The following MRPS15 variants were observed in gnomAD, a reference collection of about 807,000 sequenced individuals.
MRPS15 encodes the protein small ribosomal subunit protein uS15m.
Under a neutral mutation model 30.7 loss-of-function variants are expected in MRPS15, and 25 were observed. That is an observed-to-expected ratio of 0.81 (90% confidence interval 0.59 to 1.14). The LOEUF is 1.14. MRPS15 is among the 50% of genes most tolerant of loss of function. The pLI, the probability that MRPS15 is intolerant of heterozygous loss-of-function variation, is 0.00. For synonymous variants in MRPS15, 124 were observed against 120.1 expected (o/e 1.03, Z -0.21); for missense variants, 313 against 321.7 (o/e 0.97, Z 0.21).
chr1:36,463,428 T>C (rs1163854595), intron 2 of MRPS15, among the ~76,000 whole-genome samples: 1 of 152,194 alleles, frequency 6.6e-6, no homozygotes, highest in Non-Finnish European at 1.5e-5. Context: ...CCTTGCCCCA[T>C]ATCATTTACC....
intron 6 of MRPS15, 43 bp from the exon 7 acceptor site, chr1:36,456,421 C>T (rs1649997065): frequency 6.8e-7 from 1 of 1,475,960 alleles, no homozygotes; most frequent in Non-Finnish European, 9.1e-7. Flanking sequence ...ATAAGTGTTA[C>T]TGTTGTTCAC....
Position 36,462,164 on chromosome 1 carries a change from C to G in MRPS15, c.176-1G>C. 1.9e-6 allele frequency: 3 copies of G among 1,610,282 alleles called. No homozygotes were observed. Among genetic ancestry groups the G allele is most frequent in the Non-Finnish European group, 2.5e-6 (3 of 1,177,290 alleles). On this transcript the variant is annotated splice_acceptor_variant, in intron 2 of 7. Coordinates refer to ENST00000373116, the MANE Select transcript of MRPS15 (RefSeq NM_031280.4). LOFTEE classifies it high-confidence loss of function. Reference sequence around the variant, plus strand: ...GGGTCATCATCCAGCCTAGACTGGGCTGTCAAGTAAATATGGGGATAGAAA... The same window carrying G: ...GGGTCATCATCCAGCCTAGACTGGGGTGTCAAGTAAATATGGGGATAGAAA...
At chr1:36,460,842 C>A in intron 4 of MRPS15, 66 bp from the exon 5 acceptor site, 2 of 1,325,412 alleles carry the variant, frequency 1.5e-6, no homozygotes, top group South Asian at 1.2e-5. Flanking sequence ...GCCCTCCTCC[C>A]CCCAAGGGCC....
chr1:36,463,508 C>T (rs1221725559), intron 2 of MRPS15, among the ~76,000 whole-genome samples: 2 of 152,168 alleles, frequency 1.3e-5, no homozygotes, highest in Non-Finnish European at 2.9e-5. Flanking sequence ...ATCTCAGAAG[C>T]GCAGACACAA....
chr1:36,457,636 C>G (rs1455119877), intron 6 of MRPS15, among the ~76,000 whole-genome samples: 2 of 152,152 alleles, frequency 1.3e-5, no homozygotes. Context: ...GTGGAAGTGG[C>G]AGAGCTCGGA....
intron 7 of MRPS15, 115 bp downstream of exon 7, chr1:36,456,072 T>G: frequency 1.3e-6 from 2 of 1,482,274 alleles, no homozygotes; most frequent in Non-Finnish European, 1.8e-6. Flanking sequence ...CTGGATCCAT[T>G]CCAGGGCCTG....
Position 36,456,357 on chromosome 1 carries a change from G to C in MRPS15, c.466C>G (p.Leu156Val), listed in dbSNP as rs767881150. 1.2e-6 allele frequency: 2 copies of C among 1,610,976 alleles called. No homozygotes were observed. Among genetic ancestry groups the C allele is most frequent in the Non-Finnish European group, 8.5e-7 (1 of 1,177,784 alleles). The change falls in exon 7 of 8, where the codon CTG (leucine) becomes GTG (valine). Residue 156 changes from leucine (L) to valine (V), a missense_variant. Transcript: ENST00000373116. ...TTCCTCTGGTCAATGCTCATTAGCAGATAGCGTTTGTGGGCTTTGTCCTGC... is the reference window on the plus strand; with the variant it reads ...TTCCTCTGGTCAATGCTCATTAGCACATAGCGTTTGTGGGCTTTGTCCTGC... ...HRKDKAHKRY[L>V]LMSIDQRKKM...
At position 36,458,271 on chromosome 1, in the gene MRPS15, C is replaced by T; in HGVS notation, c.386-290G>A. Reference sequence around the variant, plus strand: ...TGAGACGGAGTCTCGCTCTGTTGCCCAGGCTGGAGTGCAGTGGTGCGATCT... The same window carrying T: ...TGAGACGGAGTCTCGCTCTGTTGCCTAGGCTGGAGTGCAGTGGTGCGATCT... On this transcript the variant is annotated intron_variant, in intron 5 of 7. Coordinates refer to ENST00000373116, the MANE Select transcript of MRPS15 (RefSeq NM_031280.4). The surrounding 1 kb of genome is among the most constrained non-coding windows in gnomAD (Gnocchi z 4.5). 2 of 312,274 alleles carry T rather than the reference C, an allele frequency of 6.4e-6. No homozygotes were observed. Among genetic ancestry groups the T allele is most frequent in the South Asian group, 8.7e-5 (2 of 23,038 alleles). The allele number at this position is 312,274 out of a possible 1,614,324, so 19.3% of individuals were successfully genotyped here. A position where few individuals can be genotyped will look rare whatever the true frequency, so the allele number is the denominator to read the frequency against.
intron 3 of MRPS15, 23 bp downstream of exon 3, chr1:36,462,065 C>T: frequency 6.2e-7 from 1 of 1,606,174 alleles, no homozygotes; most frequent in Non-Finnish European, 8.5e-7. Context: ...CCTGCCTCCT[C>T]TACTAGGTTT....
At chr1:36,464,108 T>C (rs1454485007) in intron 1 of MRPS15, 38 bp downstream of exon 1, 1 of 1,604,894 alleles carries the variant, frequency 6.2e-7, no homozygotes, top group East Asian at 2.2e-5. Flanking sequence ...CCGAACCCTG[T>C]TTCCCTACGC....
chr1:36,459,299 T>A (rs989420804), intron 5 of MRPS15: 2 of 146,612 alleles, frequency 1.4e-5, no homozygotes, highest in Non-Finnish European at 3.0e-5. Context: ...GAGCCTGAGG[T>A]AGGAGAATTG....
intron 1 of MRPS15, 127 bp from the exon 2 acceptor site, chr1:36,463,977 T>C: frequency 6.7e-7 from 1 of 1,503,178 alleles, no homozygotes; most frequent in South Asian, 1.3e-5. Context: ...CTGCCCCATT[T>C]CTTCCCTACC....
Position 36,456,270 on chromosome 1 carries a change from G to GC in MRPS15, c.552dup (p.Leu185AlafsTer4). On this transcript the variant is annotated frameshift_variant, in exon 7 of 8. Transcript: ENST00000373116. LOFTEE classifies it high-confidence loss of function. ...GGGGGGAAGGTGTACTCAATTCCCA[G>GC]CCCCCAGCATATCTTCTCAAAGACA... 1 of 1,614,164 alleles carries GC rather than the reference G, an allele frequency of 6.2e-7. No individual in the cohort carries two copies. The highest frequency in any genetic ancestry group is 8.5e-7 in the Non-Finnish European group (1 of 1,180,022).
intron 2 of MRPS15, among the ~76,000 whole-genome samples, chr1:36,462,503 C>G (rs1309137401): frequency 6.6e-6 from 1 of 152,182 alleles, no homozygotes; most frequent in South Asian, 2.1e-4. Flanking sequence ...CATAGTCTGG[C>G]CCATGGCTCA....
At chr1:36,456,155 G>T in intron 7 of MRPS15, 32 bp downstream of exon 7, 1 of 1,579,848 alleles carries the variant, frequency 6.3e-7, no homozygotes, top group Non-Finnish European at 8.6e-7. Context: ...TCCCTGAGTG[G>T]GGCCAAGCAA....
chr1:36,461,950 T>G (rs1300210130), intron 3 of MRPS15, 138 bp downstream of exon 3: 4 of 642,278 alleles, frequency 6.2e-6, no homozygotes, highest in Non-Finnish European at 1.1e-5. Flanking sequence ...TCACCACACC[T>G]GGACACCTGG....
In MRPS15 at chr1:36,456,196, C is replaced by G. The variant is rs1649990158; in HGVS notation, c.627G>C (p.Leu209=). The part of the protein sequence containing the change: ...AHRRFVTKKA[L]CIRVFQETQK... ...CAATTCTGACTCGTACCCGAATGCA[C>G]AGAGCCTTCTTGGTCACGAATCGGC... Residue 209 remains leucine (L), a synonymous_variant, in exon 7 of 8, where the codon CTG becomes CTC. Transcript: ENST00000373116. The G allele has an allele frequency of 1.9e-6, 3 of 1,609,008 alleles. No individual in the cohort carries two copies. The highest frequency in any genetic ancestry group is 2.5e-6 in the Non-Finnish European group (3 of 1,177,176).
At position 36,464,327 on chromosome 1, in the gene MRPS15, G is replaced by T. The variant is rs1470553601; in HGVS notation, c.-52C>A. On this transcript the variant is annotated 5_prime_UTR_variant, in exon 1 of 8. Transcript: ENST00000373116. ...GCGCCGCGGCCGCCGTTCGCTTTGC[G>T]GCACGGACCGGGTTACATGGGCGCC... The T allele has an allele frequency of 1.9e-6, 3 of 1,586,440 alleles. No homozygotes were observed. The highest frequency in any genetic ancestry group is 1.1e-5 in the South Asian group (1 of 88,326).
At position 36,460,686 on chromosome 1, in the gene MRPS15, A is replaced by G; in HGVS notation, c.385+6T>C. 1 of 1,613,378 alleles carries G rather than the reference A, an allele frequency of 6.2e-7. No homozygotes were observed. Among genetic ancestry groups the G allele is most frequent in the South Asian group, 1.1e-5 (1 of 91,064 alleles). On this transcript the variant is annotated splice_donor_region_variant and intron_variant, in intron 5 of 7. Transcript: ENST00000373116. ...CACCCCCACTCCCCAAGGGTCCCCG[A>G]CCAACTTCGAGCCTCCAGGGATCTG...
Sources: gnomAD v4.1 joint callset for allele counts (sites outside exome capture counted in the v4.1 genomes callset) on GRCh38, gnomAD v4.1.1 for gene constraint, Gnocchi (gnomAD v3.1) non-coding constraint, MANE v1.5 for transcripts, NCBI Gene and HGNC (gene_info 2026-07-23, HGNC 2026-07-21) for gene names.